TXN2: variants seen among roughly 807,000 people sequenced by gnomAD.
TXN2 encodes thioredoxin 2.
Under a neutral mutation model 14.6 loss-of-function variants are expected in TXN2, and 12 were observed. That is an observed-to-expected ratio of 0.82 (90% CI 0.53 to 1.33). The LOEUF (loss-of-function observed/expected upper bound fraction) is 1.33, where lower values mean the gene tolerates loss of function less well. Ranked by LOEUF, TXN2 falls within the 40% of genes most tolerant of loss-of-function variation. The pLI is 0.00. For missense variants in TXN2, 173 were observed against 207.7 expected (o/e 0.83, Z 1.03); for synonymous variants, 89 against 81.0 (o/e 1.10, Z -0.53).
intron 3 of TXN2, among the ~76,000 whole-genome samples, chr22:36,473,323 A>G (rs1386002690): frequency 6.6e-6 from 1 of 152,160 alleles, no homozygotes; most frequent in Non-Finnish European, 1.5e-5. Flanking sequence ...GGCACCTGTA[A>G]TCCCAGCTAC....
chr22:36,480,761 G>T lies in TXN2; in HGVS notation c.77C>A (p.Pro26His). The T allele has an allele frequency of 6.2e-7, 1 of 1,613,688 alleles. No individual in the cohort carries two copies. Among genetic ancestry groups the T allele is most frequent in the Admixed American group, 1.7e-5 (1 of 59,952 alleles). Residue 26 changes from proline to histidine, a missense_variant, in exon 2 of 4, where the codon CCC (proline) becomes CAC (histidine). Transcript: ENST00000216185. ...SRKPSQGQWP[P>H]LTSRALQTPQ... ...GGTCTGCAGGGCTCTGGAAGTGAGG[G>T]GTGGCCACTGACCCTGAGAGGGCTT...
At position 36,480,818 on chromosome 22, in the gene TXN2, A is replaced by C. The variant is rs775094381; in HGVS notation, c.20T>G (p.Leu7Arg). The C allele has an allele frequency of 2.8e-5, 45 of 1,583,786 alleles. No homozygotes were observed. Among genetic ancestry groups the C allele is most frequent in the Middle Eastern group, 3.4e-4 (2 of 5,870 alleles). Residue 7 changes from leucine to arginine, a missense_variant, in exon 2 of 4, where the codon CTG becomes CGG. Physicochemically the swap from Leu to Arg is moderately radical, Grantham distance 102 (BLOSUM62 -2). Transcript: ENST00000216185. MAQRLL[L>R]RRFLASVISR... Reference sequence around the variant, plus strand: ...GATGACAGAGGCCAGGAACCTCCTCAGAAGAAGTCGCTGAGCCATCTGTGA... The same window carrying C: ...GATGACAGAGGCCAGGAACCTCCTCCGAAGAAGTCGCTGAGCCATCTGTGA...
chr22:36,468,553 T>G (rs990099173), intron 3 of TXN2: 2 of 348,472 alleles, frequency 5.7e-6, no homozygotes, highest in African/African-American at 4.4e-5. Context: ...GTGAGACCCT[T>G]TGTTTACTAA....
intron 3 of TXN2, among the ~76,000 whole-genome samples, chr22:36,476,233 G>A (rs1437755255): frequency 6.6e-6 from 1 of 152,180 alleles, no homozygotes; most frequent in Non-Finnish European, 1.5e-5. Flanking sequence ...TAAAGGTGGT[G>A]AAGAGAGACA....
intron 3 of TXN2, among the ~76,000 whole-genome samples, chr22:36,472,304 C>T (rs997948831): frequency 6.6e-6 from 1 of 151,970 alleles, no homozygotes; most frequent in African/African-American, 2.4e-5. Context: ...GATGAACAGG[C>T]AGAGGAGAGA....
rs1359334318 is a variant in TXN2 at position 36,467,241 on chromosome 22, GT to G, written c.*562del. 1 of 152,650 alleles carries G rather than the reference GT, an allele frequency of 6.6e-6. No homozygotes were observed. The highest frequency in any genetic ancestry group is 1.5e-5 in the Non-Finnish European group (1 of 68,272). 9.5% of individuals were successfully genotyped at this position (152,650 alleles called of 1,614,324 possible). A position where few individuals can be genotyped will look rare whatever the true frequency, so the allele number is the denominator to read the frequency against. ...GCAGCTCCCTGGGGGGTGGGAATGG[GT>G]GACTAGAGGGGATTTCAGTGTGGGA... On this transcript the variant is annotated 3_prime_UTR_variant, in exon 4 of 4. Transcript: ENST00000216185.
At chr22:36,471,919 G>C (rs898902996) in intron 3 of TXN2, among the ~76,000 whole-genome samples, 1 of 150,504 alleles carries the variant, frequency 6.6e-6, no homozygotes, top group African/African-American at 2.4e-5. Flanking sequence ...GCAGTGAGCC[G>C]AGATTGCGCC....
At position 36,481,544 on chromosome 22, in the gene TXN2, C is replaced by T. The variant is rs1471532126; in HGVS notation, c.-1+20G>A. The T allele has an allele frequency of 3.0e-6, 3 of 997,696 alleles. No individual in the cohort carries two copies. The African/African-American group carries it at 5.3e-5, about 17-fold the overall frequency. The allele number at this position is 997,696 out of a possible 1,614,324, so 61.8% of individuals were successfully genotyped here. A position where few individuals can be genotyped will look rare whatever the true frequency, so the allele number is the denominator to read the frequency against. The stretch of plus-strand genomic sequence containing the variant: ...CCTCAGCCGCGACACCACCTCGAGC[C>T]ACCCCCACAGGGCTCCTACCTCCCT... On this transcript the variant is annotated intron_variant, in intron 1 of 3. Transcript: ENST00000216185.
At chr22:36,470,630 C>T (rs372121416) in intron 3 of TXN2, among the ~76,000 whole-genome samples, 5 of 152,182 alleles carry the variant, frequency 3.3e-5, no homozygotes, top group South Asian at 2.1e-4. Flanking sequence ...GTGGACTTAG[C>T]GTTCCTTAAG....
At chr22:36,468,022 G>T in intron 3 of TXN2, 105 bp from the exon 4 acceptor site, 1 of 959,870 alleles carries the variant, frequency 1.0e-6, no homozygotes, top group South Asian at 1.4e-5. Context: ...CCAGGGCACT[G>T]ACTTCCCAAA....
chr22:36,471,546 C>T (rs1278122293), intron 3 of TXN2, among the ~76,000 whole-genome samples: 1 of 152,190 alleles, frequency 6.6e-6, no homozygotes, highest in East Asian at 1.9e-4. Context: ...CTGTCACATG[C>T]TGGGTGCTTT....
Position 36,467,761 on chromosome 22 carries a change from G to C in TXN2, c.*43C>G, listed in dbSNP as rs746325048. 1.7e-5 allele frequency: 26 copies of C among 1,515,880 alleles called. No homozygotes were observed. The highest frequency in any genetic ancestry group is 2.4e-5 in the Non-Finnish European group (26 of 1,092,402). The allele number at this position is 1,515,880 out of a possible 1,614,324, so 93.9% of individuals were successfully genotyped here. A position where few individuals can be genotyped will look rare whatever the true frequency, so the allele number is the denominator to read the frequency against. ...TGGCATGGAAGGGCTGAGTTCTATT[G>C]GGGTCCCACGCGGGCAAGGGAACCA... On this transcript the variant is annotated 3_prime_UTR_variant, in exon 4 of 4. Transcript: ENST00000216185.
intron 3 of TXN2, among the ~76,000 whole-genome samples, chr22:36,469,963 AAAAT>A (rs1408996443): frequency 3.3e-5 from 5 of 152,302 alleles, no homozygotes; most frequent in Non-Finnish European, 7.3e-5. Context: ...TCCCCCCCTC[AAAAT>A]AAATAAATAA....
intron 1 of TXN2, 146 bp from the exon 2 acceptor site, chr22:36,480,983 A>G: frequency 1.1e-6 from 1 of 912,518 alleles, no homozygotes; most frequent in Admixed American, 3.7e-5. Context: ...GTAGCGTGGA[A>G]GTGAGGAAGC....
In TXN2 at chr22:36,481,135, C is replaced by T. The variant is rs998073434; in HGVS notation, c.1-298G>A. 6 of 295,780 alleles carry T rather than the reference C, an allele frequency of 2.0e-5. No individual in the cohort carries two copies. In the Admixed American group the frequency reaches 2.4e-4, roughly 12 times the overall value. The allele number at this position is 295,780 out of a possible 1,614,324, so 18.3% of individuals were successfully genotyped here. On this transcript the variant is annotated intron_variant, in intron 1 of 3. Transcript: ENST00000216185. ...ACAGATTTAATAATGTATGTAAGGA[C>T]CAAGTACCTTACACACATTATTGGT...
chr22:36,475,912 C>T (rs1304171963), intron 3 of TXN2, among the ~76,000 whole-genome samples: 2 of 148,134 alleles, frequency 1.4e-5, no homozygotes, highest in Admixed American at 1.3e-4. Flanking sequence ...CTCAGAGGTT[C>T]TCTCTAACGT....
intron 3 of TXN2, among the ~76,000 whole-genome samples, chr22:36,469,761 G>A (rs1933235229): frequency 6.6e-6 from 1 of 152,138 alleles, no homozygotes; most frequent in Admixed American, 6.5e-5. Flanking sequence ...TTCGAGACCA[G>A]CCTGACCAAC....
At chr22:36,468,737 A>AT (rs1314424503) in intron 3 of TXN2, 3 of 440,230 alleles carry the variant, frequency 6.8e-6, no homozygotes, top group Non-Finnish European at 1.4e-5. Context: ...AAAGAGAAAG[A>AT]TTTGAGTATA....
At chr22:36,479,944 G>A (rs777133596) in intron 2 of TXN2, among the ~76,000 whole-genome samples, 25 of 150,368 alleles carry the variant, frequency 1.7e-4, no homozygotes, top group East Asian at 5.9e-4. Context: ...GTGTAATGGC[G>A]CGATCTTCAG....
Sources: allele counts gnomAD v4.1 joint callset (sites outside exome capture counted in the v4.1 genomes callset), GRCh38; gene constraint gnomAD v4.1.1; transcripts MANE v1.5; gene names NCBI Gene and HGNC (gene_info 2026-07-23, HGNC 2026-07-21).